ZFHX3: variants seen among roughly 807,000 people sequenced by gnomAD.
ZFHX3 encodes the protein zinc finger homeobox protein 3.
A neutral mutation model predicts 279.1 loss-of-function variants in ZFHX3; 42 were observed. That is an observed-to-expected ratio of 0.15 (90% CI 0.12 to 0.19). The LOEUF (loss-of-function observed/expected upper bound fraction) is 0.19, where lower values mean the gene tolerates loss of function less well. Ranked by LOEUF, ZFHX3 falls within the 10% of genes least tolerant of loss-of-function variation. ZFHX3 has a pLI of 1.00. For missense variants in ZFHX3, 4,981 were observed against 4,754.0 expected, an observed-to-expected ratio of 1.05 and a Z score of -1.40; for synonymous variants, 2,293 against 1,957.8, an observed-to-expected ratio of 1.17 and a Z score of -4.52.
intron 3 of ZFHX3, among the ~76,000 whole-genome samples, chr16:73,386,471 A>T (rs1304885499): frequency 2.6e-5 from 4 of 152,198 alleles, no homozygotes; most frequent in Admixed American, 2.6e-4. Flanking sequence ...TAAGGCATAT[A>T]GTGGTTACGT....
chr16:72,800,197 T>C, intron 7 of ZFHX3, 68 bp from the exon 8 acceptor site: 2 of 1,394,806 alleles, frequency 1.4e-6, no homozygotes, highest in Non-Finnish European at 2.0e-6. Flanking sequence ...TGTTTAAAAA[T>C]TATTTAATAA....
intron 1 of ZFHX3, among the ~76,000 whole-genome samples, chr16:73,760,584 T>C (rs374754585): frequency 5.9e-5 from 9 of 152,218 alleles, no homozygotes; most frequent in African/African-American, 1.9e-4. Flanking sequence ...AACAAAATAC[T>C]GAAAGACCAA....
intron 3 of ZFHX3, among the ~76,000 whole-genome samples, chr16:73,439,342 T>C (rs930150927): frequency 6.6e-6 from 1 of 152,182 alleles, no homozygotes; most frequent in Non-Finnish European, 1.5e-5. Flanking sequence ...ATGCCAGCTT[T>C]GTTCATCTGA....
At chr16:73,542,684 A>G (rs2020039870) in intron 2 of ZFHX3, among the ~76,000 whole-genome samples, 1 of 152,242 alleles carries the variant, frequency 6.6e-6, no homozygotes, top group African/African-American at 2.4e-5. Flanking sequence ...TAAAACAAAA[A>G]GATGCCCAGT....
chr16:73,667,379 T>A (rs577511380), intron 2 of ZFHX3, among the ~76,000 whole-genome samples: 1 of 152,342 alleles, frequency 6.6e-6, no homozygotes, highest in East Asian at 1.9e-4. Flanking sequence ...ACTGTAAATG[T>A]TAACATACGC....
chr16:73,272,687 C>A (rs1487433092), intron 4 of ZFHX3, among the ~76,000 whole-genome samples: 1 of 152,136 alleles, frequency 6.6e-6, no homozygotes, highest in Non-Finnish European at 1.5e-5. Context: ...AATATTTCAA[C>A]AGAAATATCA....
intron 2 of ZFHX3, among the ~76,000 whole-genome samples, chr16:73,603,108 A>C (rs1272583821): frequency 6.6e-6 from 1 of 151,628 alleles, no homozygotes; most frequent in Non-Finnish European, 1.5e-5. Context: ...ACACGGTAAA[A>C]CCTGTCTCTA....
chr16:73,424,143 C>T (rs1428300662), intron 3 of ZFHX3, among the ~76,000 whole-genome samples: 16 of 152,110 alleles, frequency 1.1e-4, no homozygotes, highest in Non-Finnish European at 5.9e-5. Flanking sequence ...TTATTTAAGC[C>T]ACTTTGAAAC....
intron 2 of ZFHX3, among the ~76,000 whole-genome samples, chr16:73,638,862 C>T (rs1597040955): frequency 6.6e-6 from 1 of 152,100 alleles, no homozygotes; most frequent in Non-Finnish European, 1.5e-5. Flanking sequence ...TGTTCCAAAA[C>T]ACTAGTCTAA....
chr16:73,007,357 T>C (rs991406009), intron 1 of ZFHX3, among the ~76,000 whole-genome samples: 2 of 152,196 alleles, frequency 1.3e-5, no homozygotes, highest in African/African-American at 2.4e-5. Flanking sequence ...CCTGAAACAG[T>C]GTATTTAGCA....
intron 1 of ZFHX3, among the ~76,000 whole-genome samples, chr16:73,055,723 TAC>T (rs1306492960): frequency 6.0e-5 from 5 of 83,154 alleles, no homozygotes; most frequent in Admixed American, 2.3e-4. Context: ...CACACACACA[TAC>T]ACACACACAC....
At chr16:73,471,755 A>G (rs2018672586) in intron 2 of ZFHX3, among the ~76,000 whole-genome samples, 1 of 152,230 alleles carries the variant, frequency 6.6e-6, no homozygotes. Flanking sequence ...CTCACTTGAG[A>G]AGAACTCACA....
chr16:73,303,033 CTT>C (rs35496023), intron 4 of ZFHX3, among the ~76,000 whole-genome samples: 26 of 146,966 alleles, frequency 1.8e-4, no homozygotes, highest in Non-Finnish European at 2.1e-4. Flanking sequence ...GCAATGGAGA[CTT>C]TTTTTTTTTT....
chr16:73,806,606 G>T (rs185556515), intron 1 of ZFHX3, among the ~76,000 whole-genome samples: 1 of 152,006 alleles, frequency 6.6e-6, no homozygotes, highest in East Asian at 1.9e-4. Context: ...TGGTGGGGGG[G>T]GTCAAGTAAA....
In ZFHX3 at chr16:72,796,884, G is replaced by A. The variant is rs2035926371; in HGVS notation, c.5798C>T (p.Pro1933Leu). 2 of 1,613,634 alleles carry A rather than the reference G, an allele frequency of 1.2e-6. No individual in the cohort carries two copies. The highest frequency in any genetic ancestry group is 1.7e-6 in the Non-Finnish European group (2 of 1,179,962). ...TCTGGCATCTGAAGCAATGCGTGGAGGGAGCATGGAAGGCTCAGAACCACC... is the reference window on the plus strand; with the variant it reads ...TCTGGCATCTGAAGCAATGCGTGGAAGGAGCATGGAAGGCTCAGAACCACC... ...PGGGSEPSMLPPRIASDARGN... is the reference protein window; with the variant it reads ...PGGGSEPSMLLPRIASDARGN... The change falls in exon 9 of 10, where the codon CCT becomes CTT. Residue 1933 changes from proline to leucine, a missense_variant. This residue lies in a region of ZFHX3 where 1,751 missense variants were observed against 1,770.0 expected (regional missense o/e 0.99). Coordinates refer to ENST00000268489, the MANE Select transcript of ZFHX3 (RefSeq NM_006885.4).
intron 3 of ZFHX3, among the ~76,000 whole-genome samples, chr16:72,903,636 A>AC (rs1166606459): frequency 1.3e-5 from 2 of 152,250 alleles, no homozygotes; most frequent in African/African-American, 4.8e-5. Context: ...CCCCGGGAAA[A>AC]ATAAAACCAA....
chr16:73,025,630 C>A (rs938529913), intron 1 of ZFHX3, among the ~76,000 whole-genome samples: 1 of 152,126 alleles, frequency 6.6e-6, no homozygotes, highest in African/African-American at 2.4e-5. Flanking sequence ...CTCCCCCAGG[C>A]ACCCCTGGGC....
intron 2 of ZFHX3, among the ~76,000 whole-genome samples, chr16:72,954,748 G>A (rs1220607663): frequency 1.3e-5 from 2 of 152,194 alleles, no homozygotes; most frequent in Admixed American, 1.3e-4. Context: ...TCTACAAAGA[G>A]CAGCAGATCC....
intron 2 of ZFHX3, among the ~76,000 whole-genome samples, chr16:73,599,056 C>T (rs894311438): frequency 7.9e-5 from 12 of 152,266 alleles, no homozygotes; most frequent in African/African-American, 2.6e-4. Flanking sequence ...CCACCACGCC[C>T]GGCCTTTGAA....
Sources: allele counts gnomAD v4.1 joint callset (sites outside exome capture counted in the v4.1 genomes callset), GRCh38; gene constraint gnomAD v4.1.1; regional missense constraint gnomAD v4.1.1; transcripts MANE v1.5; gene names NCBI Gene and HGNC (gene_info 2026-07-23, HGNC 2026-07-21).